Variants in BCCIP observed in about 807,000 individuals in gnomAD.
BCCIP encodes BRCA2 and CDKN1A interacting protein, also known as BRCA2 and CDKN1A-interacting protein.
A neutral mutation model predicts 32.8 loss-of-function variants in BCCIP; 23 were observed. That is an observed-to-expected ratio of 0.70 (90% CI 0.51 to 0.99). The LOEUF is 0.99. Among genes scored for constraint, BCCIP ranks in the 50% least tolerant of loss-of-function variants. The pLI is 0.00. For synonymous variants in BCCIP, 144 were observed against 137.6 expected (o/e 1.05, Z -0.33); for missense variants, 378 against 379.8 (o/e 1.00, Z 0.04).
At chr10:125,823,997 G>T (rs968040695) in intron 1 of BCCIP, among the ~76,000 whole-genome samples, 2 of 152,096 alleles carry the variant, frequency 1.3e-5, no homozygotes, top group African/African-American at 4.8e-5. Flanking sequence ...GTCCTCTTTA[G>T]TTCTCAGGCT....
chr10:125,824,458 C>T, intron 1 of BCCIP, among the ~76,000 whole-genome samples: 1 of 152,226 alleles, frequency 6.6e-6, no homozygotes, highest in East Asian at 1.9e-4. Context: ...ATTCATGCCC[C>T]TCTCTTAATC....
chr10:125,845,507 G>A (rs1944006323), downstream of BCCIP, among the ~76,000 whole-genome samples: 1 of 152,196 alleles, frequency 6.6e-6, no homozygotes, highest in South Asian at 2.1e-4. Context: ...CTTGTCTAAA[G>A]TGGACATGTA....
chr10:125,839,923 C>A (rs937225053), downstream of BCCIP, among the ~76,000 whole-genome samples: 1 of 152,212 alleles, frequency 6.6e-6, no homozygotes, highest in African/African-American at 2.4e-5. Context: ...ATTCAGCATG[C>A]CCTCAAAAGG....
Position 125,833,862 on chromosome 10 carries a change from A to G in BCCIP, c.690A>G (p.Gly230=). The G allele has an allele frequency of 6.2e-7, 1 of 1,614,254 alleles. No homozygotes were observed. The highest frequency in any genetic ancestry group is 1.1e-5 in the South Asian group (1 of 91,088). Residue 230 remains glycine (G), a synonymous_variant, in exon 6 of 7, where the codon GGA becomes GGG. Transcript: ENST00000278100. ...TTAGTAAGACATTTGTGGAAGCAGG[A>G]AAAAACAATTCCAAAAAGAAACCTA... ...LLISKTFVEA[G]KNNSKKKPSN...
chr10:125,833,129 GAAA>G (rs1376946528), intron 5 of BCCIP, among the ~76,000 whole-genome samples: 2 of 135,336 alleles, frequency 1.5e-5, no homozygotes, highest in African/African-American at 5.5e-5. Flanking sequence ...GTCTCCAAAC[GAAA>G]AAAAGAAAAA....
downstream of BCCIP, among the ~76,000 whole-genome samples, chr10:125,837,475 T>G (rs1287128459): frequency 6.6e-6 from 1 of 152,244 alleles, no homozygotes; most frequent in Non-Finnish European, 1.5e-5. Flanking sequence ...TCTCCCAGGC[T>G]GGTGTGCGGT....
intron 6 of BCCIP, 133 bp from the exon 7 acceptor site, chr10:125,835,969 TTC>T: frequency 1.3e-6 from 1 of 776,476 alleles, no homozygotes; most frequent in Non-Finnish European, 2.0e-6. Context: ...ACTTTTTCAA[TTC>T]TGAGTTTTGC....
At chr10:125,830,715 C>T (rs2134010265) in intron 4 of BCCIP, 64 bp downstream of exon 4, 2 of 950,566 alleles carry the variant, frequency 2.1e-6, no homozygotes, top group African/African-American at 1.6e-5. Flanking sequence ...TTATTTAATG[C>T]ATGGTGAAAA....
intron 5 of BCCIP, among the ~76,000 whole-genome samples, chr10:125,832,051 A>G (rs1477385249): frequency 6.6e-6 from 1 of 152,178 alleles, no homozygotes; most frequent in East Asian, 1.9e-4. Flanking sequence ...TTGTTATTCT[A>G]TTTTTTAATC....
At chr10:125,830,536 T>C (rs1854498343) in intron 3 of BCCIP, 26 bp from the exon 4 acceptor site, 1 of 1,434,462 alleles carries the variant, frequency 7.0e-7, no homozygotes, top group African/African-American at 1.4e-5. Flanking sequence ...AAATATAACA[T>C]TTAAATATTT....
chr10:125,836,016 C>T, intron 6 of BCCIP, 88 bp from the exon 7 acceptor site: 1 of 1,222,650 alleles, frequency 8.2e-7, no homozygotes, highest in Non-Finnish European at 1.2e-6. Flanking sequence ...TAAGCATATG[C>T]CAAACGTAAT....
At chr10:125,849,402 T>C (rs573465475) in intron 7 of BCCIP, among the ~76,000 whole-genome samples, 1 of 152,356 alleles carries the variant, frequency 6.6e-6, no homozygotes, top group South Asian at 2.1e-4. Flanking sequence ...TCTGTAACAT[T>C]ATTTACTTTA....
At chr10:125,835,583 A>C (rs1156504448) in intron 6 of BCCIP, among the ~76,000 whole-genome samples, 3 of 137,044 alleles carry the variant, frequency 2.2e-5, no homozygotes, top group South Asian at 2.3e-4. Context: ...TGTCTCAAAA[A>C]AAAAAAACAA....
Position 125,836,538 on chromosome 10 carries a change from T to C in BCCIP, c.*264T>C, listed in dbSNP as rs1022331659. On this transcript the variant is annotated 3_prime_UTR_variant, in exon 7 of 7. Transcript: ENST00000278100. ...AGAACTCAATAAAAACTTCTATTTT[T>C]TATTTTAAAATAATATACACAGTGT... 7.5e-7 allele frequency: 1 copy of C among 1,337,544 alleles called. No homozygotes were observed. Among genetic ancestry groups the C allele is most frequent in the Non-Finnish European group, 9.8e-7 (1 of 1,021,010 alleles). The allele number at this position is 1,337,544 out of a possible 1,614,324, so 82.9% of individuals were successfully genotyped here. A position where few individuals can be genotyped will look rare whatever the true frequency, so the allele number is the denominator to read the frequency against.
downstream of BCCIP, among the ~76,000 whole-genome samples, chr10:125,840,598 T>C (rs958778328): frequency 6.6e-6 from 1 of 152,248 alleles, no homozygotes; most frequent in African/African-American, 2.4e-5. Context: ...GAAGGCTGGC[T>C]GAGTGGAGTC....
At chr10:125,836,737 G>C (rs150831914), downstream of BCCIP, 57 of 1,614,050 alleles carry the variant, frequency 3.5e-5, no homozygotes, top group Middle Eastern at 9.9e-4. Context: ...TCACACATTT[G>C]CTGTTCCTTA....
At chr10:125,852,694 G>A in intron 7 of BCCIP, 3 of 1,489,948 alleles carry the variant, frequency 2.0e-6, no homozygotes, top group Non-Finnish European at 2.7e-6. Context: ...TGATTCAGTA[G>A]GCTCACTGAT....
downstream of BCCIP, chr10:125,838,358 G>C: frequency 6.2e-7 from 1 of 1,601,610 alleles, no homozygotes. Flanking sequence ...GCATTAAGTA[G>C]TTACCTGATC....
Position 125,828,210 on chromosome 10 carries a change from A to G in BCCIP, c.321+572A>G, listed in dbSNP as rs2134008169. On this transcript the variant is annotated intron_variant, in intron 3 of 6. Coordinates refer to ENST00000278100, the MANE Select transcript of BCCIP (RefSeq NM_078468.3). ...CTGAAAGTGAGAGGAAAAGGAGTCA[A>G]GGATGACTTCCAGGTTTCTAGCTTG... Among the ~76,000 whole-genome samples, 4 of 152,322 alleles carry G rather than the reference A, an allele frequency of 2.6e-5. 1 individual carries two copies. In the Middle Eastern group the frequency reaches 0.014, roughly 518 times the overall value.
Sources: gnomAD v4.1 joint callset for allele counts (sites outside exome capture counted in the v4.1 genomes callset) on GRCh38, gnomAD v4.1.1 for gene constraint, MANE v1.5 for transcripts, NCBI Gene and HGNC (gene_info 2026-07-23, HGNC 2026-07-21) for gene names.